The following MGAT4C variants were observed in gnomAD, a reference collection of about 807,000 sequenced individuals.
MGAT4C encodes the protein alpha-1,3-mannosyl-glycoprotein 4-beta-N-acetylglucosaminyltransferase C.
MGAT4C carries 19 observed loss-of-function variants against 40.1 expected under a neutral mutation model. The observed-to-expected ratio is 0.47, with a 90% CI of 0.33 to 0.70. The LOEUF (loss-of-function observed/expected upper bound fraction) is 0.70. MGAT4C is among the 30% of genes least tolerant of loss of function. MGAT4C has a pLI of 0.02. For missense variants in MGAT4C, 491 were observed against 563.2 expected (o/e 0.87, Z 1.30); for synonymous variants, 181 against 187.1 (o/e 0.97, Z 0.27).
intron 2 of MGAT4C, among the ~76,000 whole-genome samples, chr12:86,003,219 G>GTAT (rs1321009711): frequency 6.6e-6 from 1 of 152,120 alleles, no homozygotes; most frequent in East Asian, 1.9e-4. Context: ...TGAAATGGAC[G>GTAT]TATATTTGGC....
At chr12:86,436,487 C>T (rs1957140136) in intron 2 of MGAT4C, among the ~76,000 whole-genome samples, 1 of 151,580 alleles carries the variant, frequency 6.6e-6, no homozygotes, top group African/African-American at 2.4e-5. Context: ...ACTATTATCC[C>T]TTATTATTAT....
At chr12:86,294,354 C>T (rs1236267772) in intron 4 of MGAT4C, among the ~76,000 whole-genome samples, 1 of 96,124 alleles carries the variant, frequency 1.0e-5, no homozygotes, top group Admixed American at 1.1e-4. Flanking sequence ...TTCACACTCA[C>T]TAAAACTCCT....
At chr12:86,392,773 AAT>A (rs2136229651) in intron 3 of MGAT4C, among the ~76,000 whole-genome samples, 1 of 152,322 alleles carries the variant, frequency 6.6e-6, no homozygotes, top group South Asian at 2.1e-4. Flanking sequence ...TAGATGTGTA[AAT>A]ATATGTTTGA....
At chr12:86,246,583 C>T (rs1001107908) in intron 1 of MGAT4C, among the ~76,000 whole-genome samples, 6 of 152,096 alleles carry the variant, frequency 3.9e-5, no homozygotes, top group South Asian at 2.1e-4. Context: ...AATTTTTAAA[C>T]GTAGCTATAT....
chr12:86,268,050 A>G (rs1054672067), intron 4 of MGAT4C, among the ~76,000 whole-genome samples: 20 of 152,136 alleles, frequency 1.3e-4, no homozygotes, highest in African/African-American at 4.6e-4. Flanking sequence ...AAGGGATCTC[A>G]TTAGAGAAGA....
chr12:86,608,906 A>G (rs569845846), intron 2 of MGAT4C, among the ~76,000 whole-genome samples: 1 of 152,220 alleles, frequency 6.6e-6, no homozygotes, highest in African/African-American at 2.4e-5. Context: ...TGTATTTTAT[A>G]TTTGCCTCCT....
intron 1 of MGAT4C, among the ~76,000 whole-genome samples, chr12:86,221,607 C>T (rs1950879362): frequency 6.6e-6 from 1 of 152,174 alleles, no homozygotes; most frequent in Admixed American, 6.5e-5. Context: ...AGCAACCTGA[C>T]TTAAGGGTAT....
intron 2 of MGAT4C, among the ~76,000 whole-genome samples, chr12:86,641,452 T>C (rs1963384063): frequency 6.6e-6 from 1 of 151,672 alleles, no homozygotes; most frequent in Non-Finnish European, 1.5e-5. Flanking sequence ...CACACCAGCA[T>C]GGCACATGTA....
chr12:86,455,327 T>C (rs1229607098), intron 2 of MGAT4C, among the ~76,000 whole-genome samples: 1 of 152,172 alleles, frequency 6.6e-6, no homozygotes, highest in African/African-American at 2.4e-5. Flanking sequence ...TCACTCCTTA[T>C]GTGGGGAACA....
At chr12:86,450,196 A>G (rs1011154562) in intron 2 of MGAT4C, among the ~76,000 whole-genome samples, 1 of 152,046 alleles carries the variant, frequency 6.6e-6, no homozygotes, top group Non-Finnish European at 1.5e-5. Context: ...CTAGTCCTCC[A>G]CAACATTGTC....
At chr12:86,272,323 G>T (rs1362284559) in intron 4 of MGAT4C, among the ~76,000 whole-genome samples, 1 of 152,044 alleles carries the variant, frequency 6.6e-6, no homozygotes, top group East Asian at 1.9e-4. Context: ...CCATGTTTTG[G>T]CTAGTGTGAA....
intron 2 of MGAT4C, among the ~76,000 whole-genome samples, chr12:86,040,593 T>C (rs1891714950): frequency 6.6e-6 from 1 of 152,102 alleles, no homozygotes. Context: ...CTCACCAAGC[T>C]TGAGTGTCCC....
At chr12:86,231,565 A>G (rs940901438) in intron 1 of MGAT4C, among the ~76,000 whole-genome samples, 27 of 152,208 alleles carry the variant, frequency 1.8e-4, no homozygotes, top group Non-Finnish European at 1.2e-4. Context: ...ATGTCTTTAT[A>G]TTACTAAGTA....
chr12:86,063,922 G>A (rs2137012049), intron 1 of MGAT4C, among the ~76,000 whole-genome samples: 1 of 152,260 alleles, frequency 6.6e-6, no homozygotes, highest in East Asian at 1.9e-4. Context: ...GACCTACAAA[G>A]AGACTTAGAC....
At chr12:86,433,040 G>T (rs190569182) in intron 3 of MGAT4C, among the ~76,000 whole-genome samples, 77 of 152,024 alleles carry the variant, frequency 5.1e-4, no homozygotes, top group Non-Finnish European at 5.7e-4. Flanking sequence ...ACCTGGACAA[G>T]AGACAGTAGA....
chr12:86,030,710 A>G (rs1290755019), intron 2 of MGAT4C, among the ~76,000 whole-genome samples: 2 of 151,808 alleles, frequency 1.3e-5, no homozygotes, highest in African/African-American at 2.4e-5. Context: ...TTCAAAGCAC[A>G]TTTTATTATT....
chr12:86,623,835 A>G (rs1962716014), intron 2 of MGAT4C, among the ~76,000 whole-genome samples: 1 of 152,152 alleles, frequency 6.6e-6, no homozygotes, highest in Non-Finnish European at 1.5e-5. Flanking sequence ...TGGTGTTTTA[A>G]TTTAGCCCAT....
chr12:86,029,477 T>C (rs1186740898), intron 2 of MGAT4C, among the ~76,000 whole-genome samples: 1 of 151,970 alleles, frequency 6.6e-6, no homozygotes, highest in Non-Finnish European at 1.5e-5. Flanking sequence ...AAAATCTTTT[T>C]ACAGTATGAG....
In MGAT4C at chr12:86,394,545, ATATATATT is replaced by A. The variant is rs563512874; in HGVS notation, c.-120+40604_-120+40611del. Among the ~76,000 whole-genome samples, 887 of 144,498 alleles carry A rather than the reference ATATATATT, an allele frequency of 6.1e-3. 5 individuals are homozygous for A. The highest frequency in any genetic ancestry group is 0.02 in the African/African-American group (817 of 39,876). 94.8% of individuals were successfully genotyped at this position (144,498 alleles called of 152,430 possible). On this transcript the variant is annotated intron_variant, in intron 3 of 7. Coordinates refer to the MGAT4C transcript ENST00000548651. ...ATTTATATATTTTATACATATATTTATATATATTTATATATTTATATATATTTATATAT... is the reference window on the plus strand; with the variant it reads ...ATTTATATATTTTATACATATATTTATATATATTTATATATATTTATATAT...
Sources: gnomAD v4.1 joint callset for allele counts (sites outside exome capture counted in the v4.1 genomes callset) on GRCh38, gnomAD v4.1.1 for gene constraint, MANE v1.5 for transcripts, NCBI Gene and HGNC (gene_info 2026-07-23, HGNC 2026-07-21) for gene names.